Variants in GALNTL6 observed in about 807,000 individuals in gnomAD.
GALNTL6 encodes the protein polypeptide N-acetylgalactosaminyltransferase like 6.
A neutral mutation model predicts 73.7 loss-of-function variants in GALNTL6; 46 were observed. That is an observed-to-expected ratio of 0.62 (90% CI 0.49 to 0.80). GALNTL6 has a LOEUF of 0.80. Ranked by LOEUF, GALNTL6 falls within the 30% of genes least tolerant of loss-of-function variation. The pLI is 0.00. For synonymous variants in GALNTL6, 259 were observed against 263.7 expected (o/e 0.98, Z 0.17); for missense variants, 604 against 755.0 (o/e 0.80, Z 2.34).
chr4:171,851,333 G>A (rs1423954493), intron 2 of GALNTL6, among the ~76,000 whole-genome samples: 1 of 152,114 alleles, frequency 6.6e-6, no homozygotes, highest in Non-Finnish European at 1.5e-5. Context: ...TATCATCCCA[G>A]TAGAAAGATG....
At chr4:171,901,339 C>A (rs1737088970) in intron 2 of GALNTL6, among the ~76,000 whole-genome samples, 1 of 152,078 alleles carries the variant, frequency 6.6e-6, no homozygotes, top group Admixed American at 6.6e-5. Context: ...TTAGAAGCCC[C>A]CACAAAGGCC....
intron 2 of GALNTL6, among the ~76,000 whole-genome samples, chr4:171,826,337 G>A (rs1560803151): frequency 3.3e-5 from 5 of 152,138 alleles, no homozygotes. Context: ...CTTGCCTCCT[G>A]TTACTATGGA....
chr4:172,587,171 G>A (rs1737444564), intron 5 of GALNTL6, among the ~76,000 whole-genome samples: 1 of 152,086 alleles, frequency 6.6e-6, no homozygotes, highest in South Asian at 2.1e-4. Flanking sequence ...CACCTGTTCT[G>A]GTTAGAAAGA....
chr4:171,859,851 G>A (rs1453000444), intron 2 of GALNTL6, among the ~76,000 whole-genome samples: 1 of 152,120 alleles, frequency 6.6e-6, no homozygotes, highest in Non-Finnish European at 1.5e-5. Context: ...CTACTCCCAG[G>A]AAAAATAGAC....
At chr4:172,851,190 T>A (rs1743795966) in intron 7 of GALNTL6, among the ~76,000 whole-genome samples, 1 of 152,024 alleles carries the variant, frequency 6.6e-6, no homozygotes, top group Non-Finnish European at 1.5e-5. Context: ...ACCCATGAAA[T>A]ATCAAGGGAT....
At chr4:172,198,726 A>G (rs549215527) in intron 2 of GALNTL6, among the ~76,000 whole-genome samples, 66 of 152,328 alleles carry the variant, frequency 4.3e-4, no homozygotes, top group African/African-American at 1.6e-3. Context: ...GTCAACCAAG[A>G]CAACATATAA....
chr4:172,632,487 T>A (rs1323997932), intron 5 of GALNTL6, among the ~76,000 whole-genome samples: 2 of 149,616 alleles, frequency 1.3e-5, no homozygotes, highest in Non-Finnish European at 2.9e-5. Context: ...ATTTTGCCTC[T>A]GCCCTAGAGG....
intron 2 of GALNTL6, among the ~76,000 whole-genome samples, chr4:172,048,406 C>A (rs912459464): frequency 2.0e-5 from 3 of 152,126 alleles, no homozygotes; most frequent in Admixed American, 1.3e-4. Flanking sequence ...ATTCCTGCAT[C>A]TCTGAAGCAA....
At chr4:172,018,232 G>T (rs1246178899) in intron 2 of GALNTL6, among the ~76,000 whole-genome samples, 1 of 152,038 alleles carries the variant, frequency 6.6e-6, no homozygotes, top group Admixed American at 6.6e-5. Context: ...GCCAGGGGGA[G>T]GTATTCTGGT....
chr4:172,536,400 A>G (rs910548196), intron 5 of GALNTL6, among the ~76,000 whole-genome samples: 1 of 152,224 alleles, frequency 6.6e-6, no homozygotes, highest in African/African-American at 2.4e-5. Context: ...GGAACTTCCT[A>G]GAGACTTGTT....
Position 171,819,410 on chromosome 4 carries a change from T to A in GALNTL6, c.138+4692T>A, listed in dbSNP as rs549485068. Among the ~76,000 whole-genome samples the A allele has an allele frequency of 1.6e-4, 24 of 152,190 alleles. No individual in the cohort carries two copies. In the East Asian group the frequency reaches 3.7e-3, roughly 23 times the overall value. On this transcript the variant is annotated intron_variant, in intron 2 of 12. Coordinates refer to ENST00000506823, the MANE Select transcript of GALNTL6 (RefSeq NM_001034845.3). ...TCTGTTCACAATCTGGTCAAAAAAA[T>A]AAATAAATAATTTTTCCCCTCTATT...
chr4:172,126,903 C>T (rs997125984), intron 2 of GALNTL6, among the ~76,000 whole-genome samples: 2 of 152,192 alleles, frequency 1.3e-5, no homozygotes, highest in African/African-American at 4.8e-5. Context: ...ACCTCCAGGG[C>T]TAAAATGTGA....
intron 5 of GALNTL6, among the ~76,000 whole-genome samples, chr4:172,729,724 A>G (rs1408474575): frequency 6.6e-6 from 1 of 152,112 alleles, no homozygotes; most frequent in Non-Finnish European, 1.5e-5. Context: ...AAGGGTCTTT[A>G]GTGGTTCCAT....
intron 5 of GALNTL6, among the ~76,000 whole-genome samples, chr4:172,681,722 A>G (rs1732641153): frequency 6.6e-6 from 1 of 152,188 alleles, no homozygotes; most frequent in Admixed American, 6.5e-5. Context: ...GAGGAAATAT[A>G]ACTATTATGT....
intron 5 of GALNTL6, among the ~76,000 whole-genome samples, chr4:172,678,167 C>A (rs558006351): frequency 9.2e-5 from 14 of 152,124 alleles, no homozygotes; most frequent in Non-Finnish European, 1.6e-4. Context: ...GCCTACAGGG[C>A]GATTTGGCAC....
chr4:171,955,004 A>G (rs1428288729), intron 2 of GALNTL6, among the ~76,000 whole-genome samples: 2 of 152,208 alleles, frequency 1.3e-5, no homozygotes, highest in African/African-American at 2.4e-5. Flanking sequence ...CTTTTTAAAA[A>G]TAAATTGCCC....
chr4:172,384,369 A>C (rs1339703273), intron 5 of GALNTL6, among the ~76,000 whole-genome samples: 1 of 151,938 alleles, frequency 6.6e-6, no homozygotes, highest in Non-Finnish European at 1.5e-5. Flanking sequence ...CTTTTAATCT[A>C]GGTTATCTAA....
intron 2 of GALNTL6, among the ~76,000 whole-genome samples, chr4:172,048,768 A>T (rs962025505): frequency 1.3e-5 from 2 of 151,988 alleles, no homozygotes; most frequent in Admixed American, 1.3e-4. Flanking sequence ...TTGTCACACT[A>T]TGAGAGGCAT....
At chr4:173,029,258 A>G (rs996724763) in intron 12 of GALNTL6, among the ~76,000 whole-genome samples, 1 of 152,236 alleles carries the variant, frequency 6.6e-6, no homozygotes, top group Non-Finnish European at 1.5e-5. Context: ...GGTCAGTCCT[A>G]ATTGCCAGAA....
Sources: allele counts gnomAD v4.1 joint callset (sites outside exome capture counted in the v4.1 genomes callset), GRCh38; gene constraint gnomAD v4.1.1; transcripts MANE v1.5; gene names NCBI Gene and HGNC (gene_info 2026-07-23, HGNC 2026-07-21).